Variants in TRPM3 observed in about 807,000 individuals in gnomAD.
TRPM3 encodes the protein transient receptor potential cation channel subfamily M member 3.
A neutral mutation model predicts 181.2 loss-of-function variants in TRPM3; 77 were observed. That is an observed-to-expected ratio of 0.42 (90% CI 0.35 to 0.51). TRPM3 has a LOEUF of 0.51. TRPM3 is among the 20% of genes least tolerant of loss of function. TRPM3 has a pLI of 0.01. For synonymous variants in TRPM3, 745 were observed against 796.4 expected (o/e 0.94, Z 1.09); for missense variants, 1,759 against 2,196.7 (o/e 0.80, Z 3.98).
chr9:71,410,045 G>A (rs985760817), intron 1 of TRPM3, among the ~76,000 whole-genome samples: 1 of 152,130 alleles, frequency 6.6e-6, no homozygotes, highest in African/African-American at 2.4e-5. Flanking sequence ...AAATAAAGAG[G>A]TTCTCTCAAA....
chr9:70,848,743 C>G (rs1459632666), intron 3 of TRPM3, among the ~76,000 whole-genome samples: 1 of 28,910 alleles, frequency 3.5e-5, no homozygotes, highest in Non-Finnish European at 8.1e-5. Flanking sequence ...TTTGGGAGGC[C>G]GAGGCGGGCG....
chr9:71,339,382 G>GAAAAA (rs1362752835), intron 1 of TRPM3, among the ~76,000 whole-genome samples: 1 of 151,970 alleles, frequency 6.6e-6, no homozygotes, highest in Non-Finnish European at 1.5e-5. Flanking sequence ...AACAGTCAAA[G>GAAAAA]AAAAGAGCTT....
At chr9:71,201,008 G>C (rs1301723306) in intron 1 of TRPM3, among the ~76,000 whole-genome samples, 1 of 152,222 alleles carries the variant, frequency 6.6e-6, no homozygotes, top group East Asian at 1.9e-4. Context: ...GCAGTGGCTG[G>C]TACTGGTTGT....
intron 1 of TRPM3, among the ~76,000 whole-genome samples, chr9:71,363,980 C>G (rs568884666): frequency 2.0e-5 from 3 of 152,072 alleles, no homozygotes; most frequent in African/African-American, 7.2e-5. Context: ...TTAAATGATG[C>G]GCTAAACTTG....
intron 9 of TRPM3, among the ~76,000 whole-genome samples, chr9:70,648,451 G>A (rs1252904602): frequency 1.3e-5 from 2 of 152,090 alleles, no homozygotes; most frequent in South Asian, 2.1e-4. Context: ...GGGCATCAGA[G>A]TGAAATCACA....
chr9:70,625,474 T>C lies in TRPM3; in HGVS notation c.1668+8A>G. On this transcript the variant is annotated splice_region_variant and intron_variant, in intron 13 of 25. Coordinates refer to ENST00000677713, the MANE Select transcript of TRPM3 (RefSeq NM_001366145.2). This position sits in a 1 kb window ranked among gnomAD's most constrained non-coding sequence, Gnocchi z 4.8. ...TGAATGTATTATTATGCTGGTTAAT[T>C]AATTCACCTTAAAATAGATCCAACC... The C allele has an allele frequency of 9.3e-6, 15 of 1,609,394 alleles. No individual in the cohort carries two copies. Among genetic ancestry groups the C allele is most frequent in the Non-Finnish European group, 1.3e-5 (15 of 1,178,494 alleles).
In TRPM3 at chr9:71,411,122, T is replaced by C. The variant is rs577202631; in HGVS notation, c.183+35531A>G. ...GTATTTCAAAATAATAAGAGCTATC[T>C]ATGACAAACCCACAGCCAATATCAT... On this transcript the variant is annotated intron_variant, in intron 1 of 24. Coordinates refer to the TRPM3 transcript ENST00000357533. 1.2e-4 allele frequency among the ~76,000 whole-genome samples: 19 copies of C among 152,300 alleles called. No individual in the cohort carries two copies. In the East Asian group the frequency reaches 3.3e-3, roughly 26 times the overall value.
chr9:70,917,162 A>T (rs755237214), intron 1 of TRPM3: 7 of 1,605,856 alleles, frequency 4.4e-6, no homozygotes, highest in Non-Finnish European at 6.0e-6. Context: ...ATACTGGTCC[A>T]GTTCTAGGAG....
chr9:70,922,157 A>G (rs1055979308), intron 1 of TRPM3, among the ~76,000 whole-genome samples: 1 of 152,180 alleles, frequency 6.6e-6, no homozygotes, highest in African/African-American at 2.4e-5. Context: ...ATATCTGTGC[A>G]TAGATTGAAC....
intron 8 of TRPM3, among the ~76,000 whole-genome samples, chr9:70,689,812 A>G (rs1421862771): frequency 6.6e-6 from 1 of 152,156 alleles, no homozygotes; most frequent in Non-Finnish European, 1.5e-5. Context: ...TATGTTTGAA[A>G]AGAGTTTGGT....
chr9:71,125,893 C>T (rs1173784581), upstream of TRPM3, among the ~76,000 whole-genome samples: 1 of 152,078 alleles, frequency 6.6e-6, no homozygotes, highest in Non-Finnish European at 1.5e-5. Flanking sequence ...AACTAAAGAG[C>T]TTTTGCACAG....
chr9:70,669,753 T>C (rs990057890), intron 9 of TRPM3, among the ~76,000 whole-genome samples: 7 of 151,468 alleles, frequency 4.6e-5, no homozygotes, highest in African/African-American at 1.7e-4. Context: ...TTTTCTTTTT[T>C]TTTTTTTTGA....
At chr9:70,877,662 C>T (rs1445187844) in intron 1 of TRPM3, among the ~76,000 whole-genome samples, 1 of 151,904 alleles carries the variant, frequency 6.6e-6, no homozygotes, top group Non-Finnish European at 1.5e-5. Context: ...AACCAAGTAT[C>T]CTAATTCATT....
chr9:71,026,962 C>T (rs184397775), intron 1 of TRPM3, among the ~76,000 whole-genome samples: 3 of 152,252 alleles, frequency 2.0e-5, no homozygotes, highest in Admixed American at 6.5e-5. Flanking sequence ...CTGCTGAGCA[C>T]GCACCCTGCT....
At chr9:71,206,791 G>T (rs552601479) in intron 1 of TRPM3, among the ~76,000 whole-genome samples, 1 of 152,026 alleles carries the variant, frequency 6.6e-6, no homozygotes, top group East Asian at 1.9e-4. Flanking sequence ...TCCAGTTTCA[G>T]TTTTCTGCAT....
In TRPM3 at chr9:70,530,344, T is replaced by C. The variant is rs187971625; in HGVS notation, c.*5609A>G. 5.3e-5 allele frequency: 8 copies of C among 152,372 alleles called. No individual in the cohort carries two copies. The East Asian group carries it at 1.4e-3, about 26-fold the overall frequency. 9.4% of individuals were successfully genotyped at this position (152,372 alleles called of 1,614,324 possible). On this transcript the variant is annotated 3_prime_UTR_variant, in exon 26 of 26. Coordinates refer to ENST00000677713, the MANE Select transcript of TRPM3 (RefSeq NM_001366145.2). Reference sequence around the variant, plus strand: ...CCGCACATCCAGGCACAAGGCTGAATTTCCCCCTTTGCCCCATAGGCCTCA... The same window carrying C: ...CCGCACATCCAGGCACAAGGCTGAACTTCCCCCTTTGCCCCATAGGCCTCA...
At chr9:71,188,933 T>C (rs146880543) in intron 1 of TRPM3, among the ~76,000 whole-genome samples, 2 of 152,086 alleles carry the variant, frequency 1.3e-5, no homozygotes, top group Non-Finnish European at 2.9e-5. Flanking sequence ...TTGAATATTC[T>C]TGTGATATTT....
chr9:71,054,895 G>C (rs185718055), intron 1 of TRPM3, among the ~76,000 whole-genome samples: 2 of 152,198 alleles, frequency 1.3e-5, no homozygotes, highest in East Asian at 3.9e-4. Flanking sequence ...GACAATAACA[G>C]TAGCTTATAA....
chr9:70,888,868 C>G (rs2096141868), intron 1 of TRPM3, among the ~76,000 whole-genome samples: 1 of 152,150 alleles, frequency 6.6e-6, no homozygotes, highest in Non-Finnish European at 1.5e-5. Context: ...TAGACATATG[C>G]ATTTATCTCG....
Sources: allele counts gnomAD v4.1 joint callset (sites outside exome capture counted in the v4.1 genomes callset), GRCh38; gene constraint gnomAD v4.1.1; non-coding constraint Gnocchi (gnomAD v3.1); transcripts MANE v1.5; gene names NCBI Gene and HGNC (gene_info 2026-07-23, HGNC 2026-07-21).